The following CUX2 variants were observed in gnomAD, a reference collection of about 807,000 sequenced individuals.
CUX2 encodes the protein homeobox protein cut-like 2.
Under a neutral mutation model 144.8 loss-of-function variants are expected in CUX2, and 40 were observed. The ratio of observed to expected loss-of-function variants is 0.28; its 90% confidence interval spans 0.21 to 0.36. The LOEUF is 0.36. Among genes scored for constraint, CUX2 ranks in the 10% least tolerant of loss-of-function variants. The probability of loss-of-function intolerance (pLI) is 1.00; values close to 1 mark genes in which losing one functional copy is unlikely to be tolerated. For synonymous variants in CUX2, 827 were observed against 875.6 expected, an observed-to-expected ratio of 0.94 and a Z score of 0.98; for missense variants, 1,615 against 1,994.0, an observed-to-expected ratio of 0.81 and a Z score of 3.62.
chr12:111,063,501 C>T (rs75784996), intron 1 of CUX2, among the ~76,000 whole-genome samples: 2,615 of 152,310 alleles, frequency 0.017, 78 homozygotes, highest in African/African-American at 0.059. Context: ...TGGGACATCG[C>T]GAGGCGGCAC....
chr12:111,133,358 G>T (rs370554009), intron 1 of CUX2, among the ~76,000 whole-genome samples: 2 of 152,264 alleles, frequency 1.3e-5, no homozygotes, highest in South Asian at 4.2e-4. Context: ...ACAAAAAGAG[G>T]TTTCATTGGA....
rs1879796433 is a variant in CUX2, at chr12:111,190,246, C to T, written c.64-23954C>T. ...GATAAACTGTACATTCCTTCTCTCT[C>T]TCTGTGGCCTTGCCTTTGCGCTTTT... is the stretch of plus-strand genomic sequence containing the variant. On this transcript the variant is annotated intron_variant, in intron 1 of 21. Transcript: ENST00000261726. This position sits in a 1 kb window ranked among gnomAD's most constrained non-coding sequence, Gnocchi z 4.0. Among the ~76,000 whole-genome samples, 1 of 152,130 alleles carries T rather than the reference C, an allele frequency of 6.6e-6. No individual in the cohort carries two copies. The highest frequency in any genetic ancestry group is 1.5e-5 in the Non-Finnish European group (1 of 68,038).
chr12:111,058,647 G>A (rs1477638953), intron 1 of CUX2, among the ~76,000 whole-genome samples: 2 of 152,160 alleles, frequency 1.3e-5, no homozygotes, highest in Non-Finnish European at 1.5e-5. Flanking sequence ...TGGCTGAAAG[G>A]GTGGGGCCCA....
At position 111,068,749 on chromosome 12, in the gene CUX2, G is replaced by C. The variant is rs561807407; in HGVS notation, c.63+34509G>C. On this transcript the variant is annotated intron_variant, in intron 1 of 21. Coordinates refer to ENST00000261726, the MANE Select transcript of CUX2 (RefSeq NM_015267.4). This position sits in a 1 kb window ranked among gnomAD's most constrained non-coding sequence, Gnocchi z 4.9. ...TTTGCACCCTGAGAGGAGAGGAGAC[G>C]GGGTGCCGGTAATGCCCCCATGGCC... Among the ~76,000 whole-genome samples, 3 of 152,152 alleles carry C rather than the reference G, an allele frequency of 2.0e-5. No homozygotes were observed. The highest frequency in any genetic ancestry group is 6.6e-5 in the Admixed American group (1 of 15,260).
chr12:111,137,753 G>A (rs1471136579), intron 1 of CUX2, among the ~76,000 whole-genome samples: 3 of 152,140 alleles, frequency 2.0e-5, no homozygotes, highest in Non-Finnish European at 2.9e-5. Context: ...GGCCCCAAGC[G>A]ATCCTCTTAC....
intron 1 of CUX2, among the ~76,000 whole-genome samples, chr12:111,133,734 A>G (rs1289173123): frequency 1.3e-5 from 2 of 152,004 alleles, no homozygotes; most frequent in Non-Finnish European, 1.5e-5. Flanking sequence ...TCTTTAGGAG[A>G]CTTAGGATTG....
chr12:111,050,173 C>G (rs1206906097), intron 1 of CUX2, among the ~76,000 whole-genome samples: 2 of 151,982 alleles, frequency 1.3e-5, no homozygotes, highest in Non-Finnish European at 2.9e-5. Flanking sequence ...AGAGCCCCCT[C>G]TTGGCCCTCC....
intron 3 of CUX2, among the ~76,000 whole-genome samples, chr12:111,258,316 C>A (rs183068837): frequency 1.3e-5 from 2 of 152,268 alleles, no homozygotes; most frequent in East Asian, 1.9e-4. Flanking sequence ...AGTTTGAGAC[C>A]AGACTGGCCA....
At chr12:111,290,624 C>CT (rs777319158) in intron 4 of CUX2, among the ~76,000 whole-genome samples, 1 of 152,064 alleles carries the variant, frequency 6.6e-6, no homozygotes, top group Non-Finnish European at 1.5e-5. Flanking sequence ...AACGGGGTTT[C>CT]ACCATATTGG....
intron 1 of CUX2, among the ~76,000 whole-genome samples, chr12:111,109,185 T>TTC (rs2136079725): frequency 6.6e-6 from 1 of 152,298 alleles, no homozygotes; most frequent in South Asian, 2.1e-4. Context: ...CTGTCCCTCT[T>TTC]TCTCTCTCTT....
At chr12:111,194,243 G>T (rs1880092470) in intron 1 of CUX2, among the ~76,000 whole-genome samples, 2 of 152,132 alleles carry the variant, frequency 1.3e-5, no homozygotes. Flanking sequence ...AATAATAACA[G>T]CACCCCCCTC....
intron 1 of CUX2, among the ~76,000 whole-genome samples, chr12:111,119,806 C>T (rs1392191587): frequency 6.6e-6 from 1 of 152,214 alleles, no homozygotes; most frequent in Admixed American, 6.5e-5. Flanking sequence ...GCCTGTAATC[C>T]CAACACTTTG....
chr12:111,315,470 A>G (rs1887141342), intron 16 of CUX2, among the ~76,000 whole-genome samples: 1 of 152,198 alleles, frequency 6.6e-6, no homozygotes, highest in South Asian at 2.1e-4. Flanking sequence ...TATAATCCCA[A>G]CACTTTGGAA....
At chr12:111,058,982 G>C (rs910258039) in intron 1 of CUX2, among the ~76,000 whole-genome samples, 2 of 152,154 alleles carry the variant, frequency 1.3e-5, no homozygotes, top group African/African-American at 4.8e-5. Context: ...TATCTTTAAA[G>C]CAAAATTAGG....
In CUX2 at chr12:111,258,442, G is replaced by A. The variant is rs186256029; in HGVS notation, c.223-5319G>A. ...GCAGGAGAATCACTTGAACCTGGGA[G>A]GTGGAGGTTGCAGTGAGCTGAGATT... On this transcript the variant is annotated intron_variant, in intron 3 of 21. Coordinates refer to ENST00000261726, the MANE Select transcript of CUX2 (RefSeq NM_015267.4). Among the ~76,000 whole-genome samples the A allele has an allele frequency of 7.6e-3, 1,156 of 151,768 alleles. 14 individuals are homozygous for A. Among genetic ancestry groups the A allele is most frequent in the African/African-American group, 0.027 (1,112 of 41,304 alleles).
intron 1 of CUX2, among the ~76,000 whole-genome samples, chr12:111,166,658 T>C (rs1008399601): frequency 2.6e-5 from 4 of 152,192 alleles, no homozygotes; most frequent in African/African-American, 9.7e-5. Flanking sequence ...GCATTTTGAC[T>C]GTAGAGTCTG....
intron 1 of CUX2, among the ~76,000 whole-genome samples, chr12:111,118,809 C>T (rs1874453275): frequency 6.6e-6 from 1 of 152,182 alleles, no homozygotes; most frequent in Non-Finnish European, 1.5e-5. Flanking sequence ...ATTTTTTTTA[C>T]AGGACACACC....
At position 111,151,787 on chromosome 12, in the gene CUX2, C is replaced by T. The variant is rs535229039; in HGVS notation, c.64-62413C>T. ...TCCTGAGGGCTGGCCAGGCTCGCTC[C>T]GGCCATCACAGTCTGATGGTTCGGG... is the stretch of plus-strand genomic sequence containing the variant. On this transcript the variant is annotated intron_variant, in intron 1 of 21. Coordinates refer to ENST00000261726, the MANE Select transcript of CUX2 (RefSeq NM_015267.4). Among the ~76,000 whole-genome samples, 21 of 152,036 alleles carry T rather than the reference C, an allele frequency of 1.4e-4. No homozygotes were observed. The East Asian group carries it at 2.1e-3, about 15-fold the overall frequency.
chr12:111,228,430 G>A (rs1000431738), intron 3 of CUX2, among the ~76,000 whole-genome samples: 6 of 152,030 alleles, frequency 3.9e-5, no homozygotes, highest in Non-Finnish European at 7.4e-5. Context: ...GTGTGTGTGT[G>A]TATAATTTCC....
Sources: gnomAD v4.1 joint callset for allele counts (sites outside exome capture counted in the v4.1 genomes callset) on GRCh38, gnomAD v4.1.1 for gene constraint, Gnocchi (gnomAD v3.1) non-coding constraint, MANE v1.5 for transcripts, NCBI Gene and HGNC (gene_info 2026-07-23, HGNC 2026-07-21) for gene names.